Variants in TNFRSF11B observed in about 807,000 individuals in gnomAD.
TNFRSF11B encodes tumor necrosis factor receptor superfamily member 11B.
In TNFRSF11B, 16 loss-of-function variants were observed where a neutral mutation model predicts 43.4. The ratio of observed to expected loss-of-function variants is 0.37; its 90% CI spans 0.25 to 0.56. TNFRSF11B has a LOEUF of 0.56. Ranked by LOEUF, TNFRSF11B falls within the 20% of genes least tolerant of loss-of-function variation. TNFRSF11B has a pLI of 0.80. For synonymous variants in TNFRSF11B, 185 were observed against 181.8 expected (o/e 1.02, Z -0.14); for missense variants, 444 against 490.1 (o/e 0.91, Z 0.89).
intron 1 of TNFRSF11B, among the ~76,000 whole-genome samples, chr8:118,950,705 C>T (rs920964045): frequency 3.3e-5 from 5 of 152,206 alleles, no homozygotes; most frequent in African/African-American, 9.7e-5. Flanking sequence ...CACACACATA[C>T]ATACATATAT....
chr8:118,943,528 G>A lies in TNFRSF11B; in HGVS notation c.30+8264C>T, dbSNP rs1812517388. Among the ~76,000 whole-genome samples the A allele has an allele frequency of 5.3e-5, 8 of 152,164 alleles. No homozygotes were observed. The South Asian group carries it at 1.7e-3, about 32-fold the overall frequency. ...GGACTCAGCTAATAGATATATACTA[G>A]TATAGAGCAGAAAAATTTCTCAGCT... On this transcript the variant is annotated intron_variant, in intron 1 of 4. Transcript: ENST00000297350.
At chr8:118,927,612 A>G (rs1348575765) in intron 3 of TNFRSF11B, among the ~76,000 whole-genome samples, 1 of 147,948 alleles carries the variant, frequency 6.8e-6, no homozygotes, top group Non-Finnish European at 1.5e-5. Flanking sequence ...TATGATTTCA[A>G]TTACACAATG....
At chr8:118,932,846 A>C in intron 2 of TNFRSF11B, 85 bp downstream of exon 2, 1 of 1,576,832 alleles carries the variant, frequency 6.3e-7, no homozygotes, top group Admixed American at 1.7e-5. Context: ...CTATAATGTC[A>C]TCAGAACAAA....
chr8:118,950,562 G>T (rs1005967049), intron 1 of TNFRSF11B, among the ~76,000 whole-genome samples: 1 of 152,214 alleles, frequency 6.6e-6, no homozygotes, highest in Non-Finnish European at 1.5e-5. Context: ...CTGTGTGCTA[G>T]CTCACAAGTG....
Position 118,924,781 on chromosome 8 carries a change from C to T in TNFRSF11B, c.818-19G>A. 2 of 1,613,910 alleles carry T rather than the reference C, an allele frequency of 1.2e-6. No individual in the cohort carries two copies. Among genetic ancestry groups the T allele is most frequent in the Non-Finnish European group, 1.7e-6 (2 of 1,179,984 alleles). On this transcript the variant is annotated intron_variant, in intron 4 of 4. Coordinates refer to ENST00000297350, the MANE Select transcript of TNFRSF11B (RefSeq NM_002546.4). Reference sequence around the variant, plus strand: ...TCAATATCTGCATAAAGCAAAAGCCCAGATAAGTGTTCACATCATTTATAT... The same window carrying T: ...TCAATATCTGCATAAAGCAAAAGCCTAGATAAGTGTTCACATCATTTATAT...
intron 1 of TNFRSF11B, among the ~76,000 whole-genome samples, chr8:118,937,096 A>G (rs111884962): frequency 1.3e-5 from 2 of 152,164 alleles, no homozygotes; most frequent in Admixed American, 6.6e-5. Flanking sequence ...CTTGCCTTCC[A>G]TTTTTAATAT....
chr8:118,930,768 C>G, intron 2 of TNFRSF11B: 2 of 451,704 alleles, frequency 4.4e-6, no homozygotes, highest in Non-Finnish European at 8.9e-6. Context: ...TCTCCTGCAT[C>G]CTAATGAGAA....
intron 4 of TNFRSF11B, among the ~76,000 whole-genome samples, chr8:118,926,066 G>A (rs1300173013): frequency 2.6e-5 from 4 of 152,142 alleles, no homozygotes; most frequent in South Asian, 2.1e-4. Context: ...TGTAAGCTAC[G>A]AAAAGCCTAC....
intron 2 of TNFRSF11B, 106 bp from the exon 3 acceptor site, chr8:118,929,035 A>G: frequency 9.7e-7 from 1 of 1,034,452 alleles, no homozygotes; most frequent in Non-Finnish European, 1.5e-6. Context: ...TTTTACTGCT[A>G]CTATTATGTT....
intron 1 of TNFRSF11B, among the ~76,000 whole-genome samples, chr8:118,944,367 C>A (rs143820240): frequency 1.1e-3 from 174 of 152,186 alleles, no homozygotes; most frequent in Middle Eastern, 6.8e-3. Flanking sequence ...CTGTATACAT[C>A]AACTATTAAG....
intron 1 of TNFRSF11B, among the ~76,000 whole-genome samples, chr8:118,947,729 A>T (rs1812587766): frequency 6.6e-6 from 1 of 152,210 alleles, no homozygotes; most frequent in Non-Finnish European, 1.5e-5. Flanking sequence ...TTGATAGAAG[A>T]TTATTAAAAT....
intron 1 of TNFRSF11B, among the ~76,000 whole-genome samples, chr8:118,945,754 G>A (rs1812553522): frequency 6.6e-6 from 1 of 152,106 alleles, no homozygotes; most frequent in South Asian, 2.1e-4. Context: ...CAAGAGAACT[G>A]AGGTTTCTGG....
At chr8:118,933,899 C>T (rs970313734) in intron 1 of TNFRSF11B, among the ~76,000 whole-genome samples, 3 of 152,234 alleles carry the variant, frequency 2.0e-5, no homozygotes, top group East Asian at 3.9e-4. Flanking sequence ...ACTTGGGATA[C>T]AATTCTGAAT....
At chr8:118,929,048 A>T in intron 2 of TNFRSF11B, 119 bp from the exon 3 acceptor site, 1 of 871,352 alleles carries the variant, frequency 1.1e-6, no homozygotes, top group Admixed American at 2.1e-5. Flanking sequence ...ATTATGTTGC[A>T]CAAAACTCTA....
At chr8:118,951,429 G>A (rs145143126) in intron 1 of TNFRSF11B, among the ~76,000 whole-genome samples, 1 of 152,242 alleles carries the variant, frequency 6.6e-6, no homozygotes, top group East Asian at 1.9e-4. Context: ...AAAAGTTCAA[G>A]TTCATTAAGC....
intron 1 of TNFRSF11B, among the ~76,000 whole-genome samples, chr8:118,938,318 G>A (rs548606728): frequency 1.2e-4 from 19 of 152,138 alleles, no homozygotes; most frequent in African/African-American, 3.9e-4. Flanking sequence ...ATGTATTAAA[G>A]CAACTCTGTG....
chr8:118,940,622 T>C (rs1812473309), intron 1 of TNFRSF11B, among the ~76,000 whole-genome samples: 2 of 152,150 alleles, frequency 1.3e-5, no homozygotes, highest in African/African-American at 4.8e-5. Context: ...CACAAAGTAA[T>C]TATACAGGAG....
chr8:118,927,835 AAC>A (rs1812267705), intron 3 of TNFRSF11B, among the ~76,000 whole-genome samples: 1 of 152,102 alleles, frequency 6.6e-6, no homozygotes, highest in African/African-American at 2.4e-5. Context: ...TGACAAGGTG[AAC>A]ACACACACTA....
chr8:118,946,039 CACA>C (rs1376439989), intron 1 of TNFRSF11B, among the ~76,000 whole-genome samples: 1 of 151,898 alleles, frequency 6.6e-6, no homozygotes, highest in Non-Finnish European at 1.5e-5. Flanking sequence ...TTTTAAAAAT[CACA>C]ACAATAAAGA....
Sources: allele counts gnomAD v4.1 joint callset (sites outside exome capture counted in the v4.1 genomes callset), GRCh38; gene constraint gnomAD v4.1.1; transcripts MANE v1.5; gene names NCBI Gene and HGNC (gene_info 2026-07-23, HGNC 2026-07-21).